Variants in SARS2 observed in about 807,000 individuals in gnomAD.
The protein encoded by SARS2 is seryl-tRNA synthetase 2, mitochondrial.
A neutral mutation model predicts 66.8 loss-of-function variants in SARS2; 52 were observed. The ratio of observed to expected loss-of-function variants is 0.78; its 90% CI spans 0.62 to 0.98. The LOEUF (loss-of-function observed/expected upper bound fraction) is 0.98. Ranked by LOEUF, SARS2 falls within the 50% of genes least tolerant of loss-of-function variation. The pLI, the probability that SARS2 is intolerant of heterozygous loss-of-function variation, is 0.00. For synonymous variants in SARS2, 306 were observed against 281.4 expected (o/e 1.09, Z -0.87); for missense variants, 673 against 706.3 (o/e 0.95, Z 0.53).
rs531462148 is a variant in SARS2 at position 38,921,517 on chromosome 19, C to A, written c.534+10G>T. Reference sequence around the variant, plus strand: ...CCCCTGGCCTCCCTGCCACCCAGCACGGTGCTCACCACGTCTGGGTGGGTC... The same window carrying A: ...CCCCTGGCCTCCCTGCCACCCAGCAAGGTGCTCACCACGTCTGGGTGGGTC... On this transcript the variant is annotated intron_variant, in intron 4 of 15. Transcript: ENST00000221431. The A allele has an allele frequency of 1.2e-6, 2 of 1,614,146 alleles. No individual in the cohort carries two copies. Among genetic ancestry groups the A allele is most frequent in the Non-Finnish European group, 1.7e-6 (2 of 1,179,994 alleles).
At position 38,915,535 on chromosome 19, in the gene SARS2, G is replaced by A; in HGVS notation, c.*71C>T. ...TGTCAGGACGGGCTCAGCAACACAGGTCCCAGGTGTCCGGGGTCTCCTGAA... is the reference window on the plus strand; with the variant it reads ...TGTCAGGACGGGCTCAGCAACACAGATCCCAGGTGTCCGGGGTCTCCTGAA... On this transcript the variant is annotated 3_prime_UTR_variant, in exon 16 of 16. Coordinates refer to ENST00000221431, the MANE Select transcript of SARS2 (RefSeq NM_017827.4). The A allele has an allele frequency of 6.4e-7, 1 of 1,572,740 alleles. No homozygotes were observed. Among genetic ancestry groups the A allele is most frequent in the Non-Finnish European group, 8.7e-7 (1 of 1,155,698 alleles).
chr19:38,921,750 C>G, intron 3 of SARS2, 83 bp from the exon 4 acceptor site: 4 of 1,560,858 alleles, frequency 2.6e-6, no homozygotes, highest in Non-Finnish European at 3.5e-6. Flanking sequence ...ACCGGCAGAG[C>G]CCCTGTGGTG....
In SARS2 at chr19:38,917,517, C is replaced by T. The variant is rs79746014; in HGVS notation, c.1160+207G>A. Among the ~76,000 whole-genome samples the T allele has an allele frequency of 9.3e-3, 1,417 of 152,320 alleles. 23 individuals are homozygous for T. The highest frequency in any genetic ancestry group is 0.033 in the African/African-American group (1,367 of 41,578). ...CCACTCTGGCACACCGTGCACTGTT[C>T]GTGCTTCTGTTACAGTCCTGTGAGG... is the stretch of plus-strand genomic sequence containing the variant. On this transcript the variant is annotated intron_variant, in intron 12 of 15. Coordinates refer to ENST00000221431, the MANE Select transcript of SARS2 (RefSeq NM_017827.4).
At chr19:38,927,677 G>A (rs1414176424) in intron 1 of SARS2, among the ~76,000 whole-genome samples, 3 of 152,092 alleles carry the variant, frequency 2.0e-5, no homozygotes, top group African/African-American at 7.2e-5. Context: ...AATGCACAAC[G>A]ATTCCGACGT....
intron 1 of SARS2, among the ~76,000 whole-genome samples, chr19:38,928,608 C>G (rs1172792994): frequency 1.3e-5 from 2 of 152,082 alleles, no homozygotes; most frequent in Non-Finnish European, 2.9e-5. Flanking sequence ...TTTGAAAAAG[C>G]CTGCTAAAGG....
chr19:38,921,617 C>T lies in SARS2; in HGVS notation c.444G>A (p.Glu148=), dbSNP rs764014661. The T allele has an allele frequency of 6.2e-7, 1 of 1,614,264 alleles. No individual in the cohort carries two copies. The highest frequency in any genetic ancestry group is 1.1e-5 in the South Asian group (1 of 91,090). The part of the protein sequence containing the change: ...LRARGREIRK[E]LVHLYPREAQ... ...CCTCCCTGGGGTACAGGTGAACAAG[C>T]TCCTTCCGGATCTCCCGGCCACGTG... Residue 148 remains glutamate (E), a synonymous_variant, in exon 4 of 16, where the codon GAG becomes GAA. Transcript: ENST00000221431.
intron 1 of SARS2, among the ~76,000 whole-genome samples, chr19:38,928,553 A>C (rs552500223): frequency 6.6e-6 from 1 of 152,084 alleles, no homozygotes; most frequent in Non-Finnish European, 1.5e-5. Context: ...GGGTGTGTGT[A>C]CTGGGTCAGG....
intron 5 of SARS2, 23 bp from the exon 6 acceptor site, chr19:38,920,172 G>A (rs572253210): frequency 3.5e-5 from 54 of 1,550,620 alleles, no homozygotes; most frequent in South Asian, 9.5e-5. Context: ...GAAAAGCACC[G>A]GTGTAAGGCA....
chr19:38,921,288 CCAG>C, intron 5 of SARS2, 101 bp downstream of exon 5: 2 of 1,242,816 alleles, frequency 1.6e-6, no homozygotes, highest in Non-Finnish European at 2.3e-6. Flanking sequence ...CAGGAGTTCT[CCAG>C]GCTCCAGACA....
In SARS2 at chr19:38,921,594, T is replaced by A. The variant is rs1479230964; in HGVS notation, c.467A>T (p.Glu156Val). 5 of 1,614,170 alleles carry A rather than the reference T, an allele frequency of 3.1e-6. No individual in the cohort carries two copies. Among genetic ancestry groups the A allele is most frequent in the Admixed American group, 3.3e-5 (2 of 60,016 alleles). Reference protein sequence around the residue: ...RKELVHLYPREAQLEEQFYLQ... With the variant: ...RKELVHLYPRVAQLEEQFYLQ... ...GTAGAACTGCTCCTCAAGCTGGGCCTCCCTGGGGTACAGGTGAACAAGCTC... is the reference window on the plus strand; with the variant it reads ...GTAGAACTGCTCCTCAAGCTGGGCCACCCTGGGGTACAGGTGAACAAGCTC... Residue 156 changes from glutamate to valine, a missense_variant, in exon 4 of 16, where the codon GAG becomes GTG. By Grantham distance (121) the Glu-to-Val change is moderately radical (BLOSUM62 -2). Transcript: ENST00000221431.
Position 38,921,388 on chromosome 19 carries a change from C to T in SARS2, c.589+4G>A, listed in dbSNP as rs772644235. ...TCAGCTCCCAGGCCTGGGGTGTGGC[C>T]CACCTGGCTTGTCTCCGACCATGTG... On this transcript the variant is annotated splice_donor_region_variant and intron_variant, in intron 5 of 15. Transcript: ENST00000221431. 75 of 1,613,040 alleles carry T rather than the reference C, an allele frequency of 4.6e-5. No homozygotes were observed. In the Admixed American group the frequency reaches 1.2e-3, roughly 27 times the overall value.
chr19:38,920,942 C>G (rs1974514387), intron 5 of SARS2, among the ~76,000 whole-genome samples: 1 of 110,406 alleles, frequency 9.1e-6, no homozygotes, highest in African/African-American at 4.0e-5. Context: ...CACATAGACA[C>G]ACACACACAG....
intron 2 of SARS2, among the ~76,000 whole-genome samples, chr19:38,925,402 AG>A (rs1974609970): frequency 6.6e-6 from 1 of 152,220 alleles, no homozygotes; most frequent in Non-Finnish European, 1.5e-5. Context: ...CCTGTAGTTC[AG>A]GGGAAGTGGG....
At chr19:38,918,957 C>A in intron 7 of SARS2, 144 bp from the exon 8 acceptor site, 1 of 779,068 alleles carries the variant, frequency 1.3e-6, no homozygotes, top group Non-Finnish European at 2.1e-6. Flanking sequence ...CCATGTAATC[C>A]CAGCACTTTG....
intron 12 of SARS2, 22 bp downstream of exon 12, chr19:38,917,702 G>GGA: frequency 7.1e-7 from 1 of 1,398,724 alleles, no homozygotes; most frequent in Non-Finnish European, 1.0e-6. Context: ...GCCATCCCTG[G>GGA]ATCCCTGGCC....
intron 12 of SARS2, among the ~76,000 whole-genome samples, chr19:38,917,052 T>A (rs888064658): frequency 5.3e-5 from 8 of 150,900 alleles, no homozygotes; most frequent in African/African-American, 2.0e-4. Context: ...AGCCTCCACC[T>A]CCTGGGTTCA....
At chr19:38,928,026 C>T (rs993970263) in intron 1 of SARS2, among the ~76,000 whole-genome samples, 17 of 152,054 alleles carry the variant, frequency 1.1e-4, no homozygotes, top group Non-Finnish European at 2.5e-4. Flanking sequence ...CAGCAAGACT[C>T]CATCTCAAAC....
intron 2 of SARS2, among the ~76,000 whole-genome samples, chr19:38,924,525 T>C (rs1013936708): frequency 6.6e-6 from 1 of 152,230 alleles, no homozygotes; most frequent in Non-Finnish European, 1.5e-5. Context: ...GGCCACTCAG[T>C]AGGTGCTGGG....
intron 5 of SARS2, among the ~76,000 whole-genome samples, chr19:38,920,799 A>G (rs928716786): frequency 6.6e-5 from 10 of 152,004 alleles, no homozygotes; most frequent in Non-Finnish European, 1.3e-4. Flanking sequence ...GCAGATACAC[A>G]CACAGACACA....
Sources: gnomAD v4.1 joint callset for allele counts (sites outside exome capture counted in the v4.1 genomes callset) on GRCh38, gnomAD v4.1.1 for gene constraint, MANE v1.5 for transcripts, NCBI Gene and HGNC (gene_info 2026-07-23, HGNC 2026-07-21) for gene names.